The following BPTF variants were observed in gnomAD, a reference collection of about 807,000 sequenced individuals.
The protein encoded by BPTF is bromodomain PHD finger transcription factor.
Under a neutral mutation model 292.5 loss-of-function variants are expected in BPTF, and 18 were observed. The observed-to-expected ratio is 0.06, with a 90% CI of 0.04 to 0.09. The LOEUF (loss-of-function observed/expected upper bound fraction) is 0.09. Ranked by LOEUF, BPTF falls within the 10% of genes least tolerant of loss-of-function variation. The pLI is 1.00. For missense variants in BPTF, 2,726 were observed against 3,498.7 expected (o/e 0.78, Z 5.57); for synonymous variants, 1,225 against 1,251.9 (o/e 0.98, Z 0.45).
intron 27 of BPTF, among the ~76,000 whole-genome samples, chr17:67,981,020 A>G (rs1477325881): frequency 1.3e-5 from 2 of 152,140 alleles, no homozygotes; most frequent in African/African-American, 4.8e-5. Context: ...TTAGCCGGGC[A>G]TGGTGGCATG....
chr17:67,851,832 A>G (rs2058427057), intron 1 of BPTF, among the ~76,000 whole-genome samples: 1 of 151,936 alleles, frequency 6.6e-6, no homozygotes, highest in South Asian at 2.1e-4. Flanking sequence ...TTAAACTGTT[A>G]AATTTTTTTC....
In BPTF at chr17:67,825,978, C is replaced by G; in HGVS notation, c.254C>G (p.Pro85Arg). The change falls in exon 1 of 28, where the codon CCC becomes CGC. Residue 85 changes from proline (P) to arginine (R), a missense_variant. Pro to Arg is a moderately radical substitution (Grantham distance 103). Transcript: ENST00000306378. ...RKPPPPPPAP[P>R]STSAPGRGGR... ...CCGCCGCCGCCGCCGCCGGCCCCCC[C>G]CAGCACCAGCGCCCCGGGCCGGGGG... is the stretch of plus-strand genomic sequence containing the variant. 2 of 1,067,532 alleles carry G rather than the reference C, an allele frequency of 1.9e-6. No individual in the cohort carries two copies. Among genetic ancestry groups the G allele is most frequent in the Non-Finnish European group, 2.3e-6 (2 of 883,922 alleles). The allele number at this position is 1,067,532 out of a possible 1,614,324, so 66.1% of individuals were successfully genotyped here.
intron 7 of BPTF, 98 bp from the exon 8 acceptor site, chr17:67,903,691 A>G: frequency 7.0e-6 from 8 of 1,136,218 alleles, no homozygotes; most frequent in Non-Finnish European, 9.6e-6. Flanking sequence ...TAGGATTATA[A>G]CAGTCTGCTT....
At chr17:67,947,909 A>G (rs1270562770) in intron 22 of BPTF, 101 bp downstream of exon 22, 9 of 1,290,658 alleles carry the variant, frequency 7.0e-6, no homozygotes, top group Non-Finnish European at 8.6e-6. Context: ...ATTGAAGTTC[A>G]TTAAATGAGA....
intron 2 of BPTF, among the ~76,000 whole-genome samples, chr17:67,858,849 T>G (rs2058895898): frequency 6.6e-6 from 1 of 152,230 alleles, no homozygotes; most frequent in Non-Finnish European, 1.5e-5. Flanking sequence ...TCTCACTGCC[T>G]CTTTCTTTCC....
chr17:67,925,442 T>C (rs1419900304), intron 15 of BPTF, among the ~76,000 whole-genome samples: 1 of 152,134 alleles, frequency 6.6e-6, no homozygotes, highest in Non-Finnish European at 1.5e-5. Flanking sequence ...GGCAGGAGGA[T>C]CCCTTGAGTC....
intron 1 of BPTF, among the ~76,000 whole-genome samples, chr17:67,853,484 G>T (rs954157812): frequency 2.0e-5 from 3 of 152,178 alleles, no homozygotes; most frequent in African/African-American, 7.2e-5. Flanking sequence ...AGGCATTTCT[G>T]TATTGCAGCT....
rs142307832 is a variant in BPTF, at chr17:67,912,176, T to A, written c.4292T>A (p.Val1431Glu). ...ECLKEISESR[V>E]VSGNVEPKVN... ...TTGAAAGAAATTTCTGAGAGTAGAGTAGTAAGTGGTAATGTTGAACCAAAG... is the reference window on the plus strand; with the variant it reads ...TTGAAAGAAATTTCTGAGAGTAGAGAAGTAAGTGGTAATGTTGAACCAAAG... The change falls in exon 11 of 28, where the codon GTA (valine) becomes GAA (glutamate). Residue 1431 changes from valine (V) to glutamate (E), a missense_variant. By Grantham distance (121) the Val-to-Glu change is moderately radical. Coordinates refer to ENST00000306378, the MANE Select transcript of BPTF (RefSeq NM_182641.4). 2 of 1,610,262 alleles carry A rather than the reference T, an allele frequency of 1.2e-6. No individual in the cohort carries two copies. Among genetic ancestry groups the A allele is most frequent in the Non-Finnish European group, 1.7e-6 (2 of 1,178,330 alleles).
chr17:67,982,023 A>G, intron 27 of BPTF: 1 of 135,320 alleles, frequency 7.4e-6, no homozygotes. Flanking sequence ...ATATATATAT[A>G]TTTAAATATT....
intron 3 of BPTF, among the ~76,000 whole-genome samples, chr17:67,873,558 A>G (rs1379600349): frequency 7.2e-5 from 11 of 152,222 alleles, no homozygotes; most frequent in Admixed American, 2.0e-4. Context: ...CAGTTTAGCA[A>G]TTCCGAAACT....
intron 9 of BPTF, among the ~76,000 whole-genome samples, chr17:67,909,188 G>GTTT (rs11415470): frequency 8.4e-5 from 10 of 118,614 alleles, no homozygotes; most frequent in African/African-American, 3.0e-4. Flanking sequence ...ACAGTTTTTT[G>GTTT]TTTTTTTTTT....
intron 26 of BPTF, among the ~76,000 whole-genome samples, chr17:67,971,643 A>G (rs1343777979): frequency 6.6e-6 from 1 of 151,998 alleles, no homozygotes; most frequent in Non-Finnish European, 1.5e-5. Flanking sequence ...GTCTCTACTA[A>G]AAATACCAAA....
Position 67,882,953 on chromosome 17 carries a change from A to G in BPTF, c.1864+7933A>G, listed in dbSNP as rs139322063. Among the ~76,000 whole-genome samples the G allele has an allele frequency of 4.7e-5, 7 of 148,752 alleles. No individual in the cohort carries two copies. In the East Asian group the frequency reaches 1.2e-3, roughly 25 times the overall value. On this transcript the variant is annotated intron_variant, in intron 4 of 27. Transcript: ENST00000306378. ...GTAGAAGTTTCAGTCAACTGAGATC[A>G]CGCCACGCCACTGCACTCCAGCCTG...
At chr17:67,943,222 T>C (rs1555672816) in intron 19 of BPTF, among the ~76,000 whole-genome samples, 1 of 152,220 alleles carries the variant, frequency 6.6e-6, no homozygotes, top group Non-Finnish European at 1.5e-5. Flanking sequence ...TTTTAAATTA[T>C]ACTTGGTGTT....
intron 9 of BPTF, among the ~76,000 whole-genome samples, chr17:67,906,838 G>A (rs1178356127): frequency 5.3e-5 from 8 of 152,124 alleles, no homozygotes; most frequent in African/African-American, 1.4e-4. Flanking sequence ...AATAAAAAAT[G>A]GATATACCTT....
At chr17:67,943,780 A>C (rs1190081192) in intron 19 of BPTF, among the ~76,000 whole-genome samples, 1 of 152,218 alleles carries the variant, frequency 6.6e-6, no homozygotes, top group Non-Finnish European at 1.5e-5. Context: ...AGTATCTATG[A>C]AGATGCTTTT....
chr17:67,844,452 T>C (rs2057865750), intron 1 of BPTF, among the ~76,000 whole-genome samples: 1 of 151,788 alleles, frequency 6.6e-6, no homozygotes, highest in Non-Finnish European at 1.5e-5. Flanking sequence ...TTTCACCGTG[T>C]TAGCCAGTAT....
intron 11 of BPTF, among the ~76,000 whole-genome samples, chr17:67,914,985 T>C (rs1210395556): frequency 1.3e-5 from 2 of 152,198 alleles, no homozygotes; most frequent in Non-Finnish European, 2.9e-5. Context: ...AATATGTAAA[T>C]TGATCATGAC....
chr17:67,972,930 C>T (rs1422794857), intron 26 of BPTF, among the ~76,000 whole-genome samples: 1 of 151,542 alleles, frequency 6.6e-6, no homozygotes, highest in Non-Finnish European at 1.5e-5. Flanking sequence ...GAATCCAACT[C>T]TGTGTGTTTT....
Sources: allele counts gnomAD v4.1 joint callset (sites outside exome capture counted in the v4.1 genomes callset), GRCh38; gene constraint gnomAD v4.1.1; transcripts MANE v1.5; gene names NCBI Gene and HGNC (gene_info 2026-07-23, HGNC 2026-07-21).